SNTG1: variants seen among roughly 807,000 people sequenced by gnomAD.
SNTG1 encodes the protein gamma-1-syntrophin.
In SNTG1, 39 loss-of-function variants were observed where a neutral mutation model predicts 74.7. The observed-to-expected ratio is 0.52, with a 90% CI of 0.40 to 0.68. SNTG1 has a LOEUF of 0.68. SNTG1 is among the 30% of genes least tolerant of loss of function. SNTG1 has a pLI of 0.00. For synonymous variants in SNTG1, 254 were observed against 217.1 expected, an observed-to-expected ratio of 1.17 and a Z score of -1.49; for missense variants, 685 against 609.5, an observed-to-expected ratio of 1.12 and a Z score of -1.30.
intron 1 of SNTG1, among the ~76,000 whole-genome samples, chr8:50,159,349 A>G (rs1224434053): frequency 6.6e-6 from 1 of 152,140 alleles, no homozygotes; most frequent in Non-Finnish European, 1.5e-5. Flanking sequence ...TGGTTATACC[A>G]AATTTCTGCA....
At chr8:49,962,621 G>A (rs182270406) in intron 1 of SNTG1, among the ~76,000 whole-genome samples, 1 of 152,046 alleles carries the variant, frequency 6.6e-6, no homozygotes, top group African/African-American at 2.4e-5. Flanking sequence ...ATGAGATAAT[G>A]GCCTTGCTCT....
chr8:50,765,363 T>C (rs1426002506), intron 18 of SNTG1, among the ~76,000 whole-genome samples: 1 of 152,004 alleles, frequency 6.6e-6, no homozygotes, highest in Non-Finnish European at 1.5e-5. Context: ...CTGGTCTGCA[T>C]CCATTGGTAT....
At chr8:50,335,670 G>T (rs1198080162) in intron 2 of SNTG1, among the ~76,000 whole-genome samples, 1 of 151,672 alleles carries the variant, frequency 6.6e-6, no homozygotes, top group Non-Finnish European at 1.5e-5. Flanking sequence ...TACTTTTAAG[G>T]GCTCCTGTGA....
chr8:50,579,943 C>T (rs2094599510), intron 12 of SNTG1, among the ~76,000 whole-genome samples: 1 of 152,210 alleles, frequency 6.6e-6, no homozygotes, highest in Admixed American at 6.5e-5. Context: ...CCATTCTCCA[C>T]ACCCCATAAT....
At position 50,776,621 on chromosome 8, in the gene SNTG1, C is replaced by T. The variant is rs1008474475; in HGVS notation, c.1396-16050C>T. ...ATATTACAATTTTTGTTTCAATACC[C>T]AAGTATAAGTTAGAAAACTCAAAAG... On this transcript the variant is annotated intron_variant, in intron 18 of 18. Coordinates refer to ENST00000642720, the MANE Select transcript of SNTG1 (RefSeq NM_018967.5). Among the ~76,000 whole-genome samples the T allele has an allele frequency of 6.0e-5, 9 of 150,698 alleles. No homozygotes were observed. The South Asian group carries it at 1.9e-3, about 31-fold the overall frequency.
chr8:50,781,536 T>C (rs2095659425), intron 18 of SNTG1, among the ~76,000 whole-genome samples: 1 of 152,214 alleles, frequency 6.6e-6, no homozygotes, highest in African/African-American at 2.4e-5. Context: ...CTGCTGCCTT[T>C]TTTTGTTTTC....
At chr8:50,317,595 T>G (rs910930199) in intron 2 of SNTG1, among the ~76,000 whole-genome samples, 30 of 152,184 alleles carry the variant, frequency 2.0e-4, no homozygotes, top group Non-Finnish European at 5.9e-5. Flanking sequence ...CAAAGGAGTT[T>G]GAATTAGAGC....
chr8:50,344,798 A>G (rs544864490), intron 2 of SNTG1, among the ~76,000 whole-genome samples: 16 of 152,328 alleles, frequency 1.1e-4, no homozygotes, highest in African/African-American at 3.8e-4. Context: ...CATTTCACCA[A>G]AATTCATACA....
chr8:50,256,499 G>A (rs1358406810), intron 2 of SNTG1, among the ~76,000 whole-genome samples: 1 of 151,986 alleles, frequency 6.6e-6, no homozygotes, highest in African/African-American at 2.4e-5. Context: ...ATGAATGTGA[G>A]TATGGATAAA....
In SNTG1 at chr8:50,691,528, GA is replaced by G. The variant is rs371614231; in HGVS notation, c.1039-13069del. The stretch of plus-strand genomic sequence containing the variant: ...TATGAAGCTTAGTTTGGCTGGATAT[GA>G]AATTCTGGGTTGAAAATTCTTTTCT... On this transcript the variant is annotated intron_variant, in intron 15 of 18. Coordinates refer to ENST00000642720, the MANE Select transcript of SNTG1 (RefSeq NM_018967.5). Among the ~76,000 whole-genome samples, 74 of 152,300 alleles carry G rather than the reference GA, an allele frequency of 4.9e-4. No homozygotes were observed. The East Asian group carries it at 0.011, about 23-fold the overall frequency.
chr8:50,519,859 G>A (rs1207688862), intron 9 of SNTG1, among the ~76,000 whole-genome samples: 2 of 152,002 alleles, frequency 1.3e-5, no homozygotes, highest in Non-Finnish European at 2.9e-5. Context: ...AATCAATAGA[G>A]TGAAAATGGC....
At chr8:50,377,854 A>G (rs2092414933) in intron 2 of SNTG1, among the ~76,000 whole-genome samples, 1 of 152,360 alleles carries the variant, frequency 6.6e-6, no homozygotes, top group African/African-American at 2.4e-5. Flanking sequence ...TGAACAGAAA[A>G]TTTCAAAACT....
At chr8:50,069,992 G>C (rs183332292) in intron 1 of SNTG1, among the ~76,000 whole-genome samples, 38 of 152,132 alleles carry the variant, frequency 2.5e-4, no homozygotes, top group Admixed American at 2.0e-3. Context: ...TCAGTTTCTT[G>C]TCTTCTGACC....
intron 4 of SNTG1, among the ~76,000 whole-genome samples, chr8:50,433,610 C>T (rs140800663): frequency 9.2e-5 from 14 of 152,012 alleles, no homozygotes; most frequent in African/African-American, 2.9e-4. Context: ...CACTCTTTTA[C>T]ATTTTGATTT....
intron 1 of SNTG1, among the ~76,000 whole-genome samples, chr8:49,915,260 A>G (rs1805923670): frequency 6.6e-6 from 1 of 152,202 alleles, no homozygotes; most frequent in African/African-American, 2.4e-5. Context: ...TTTGTGGGAT[A>G]CTGGAAAGTC....
chr8:50,724,088 T>C (rs909298420), intron 17 of SNTG1, among the ~76,000 whole-genome samples: 1 of 152,214 alleles, frequency 6.6e-6, no homozygotes, highest in African/African-American at 2.4e-5. Flanking sequence ...AATAAATTCA[T>C]GTTTACTTTA....
intron 17 of SNTG1, among the ~76,000 whole-genome samples, chr8:50,731,719 C>T (rs1412988854): frequency 6.6e-6 from 1 of 152,090 alleles, no homozygotes; most frequent in Non-Finnish European, 1.5e-5. Flanking sequence ...GTGATGTCTG[C>T]TCATCCTTTT....
intron 2 of SNTG1, among the ~76,000 whole-genome samples, chr8:50,362,660 T>C (rs1167055731): frequency 6.6e-6 from 1 of 152,172 alleles, no homozygotes; most frequent in Non-Finnish European, 1.5e-5. Flanking sequence ...GTATTCTCTT[T>C]CCCTGGTTAT....
intron 2 of SNTG1, among the ~76,000 whole-genome samples, chr8:50,251,896 G>A (rs1350625399): frequency 6.6e-6 from 1 of 152,052 alleles, no homozygotes; most frequent in African/African-American, 2.4e-5. Flanking sequence ...TCCATCTACA[G>A]CTGCAGAATT....
Sources: gnomAD v4.1 joint callset for allele counts (sites outside exome capture counted in the v4.1 genomes callset) on GRCh38, gnomAD v4.1.1 for gene constraint, MANE v1.5 for transcripts, NCBI Gene and HGNC (gene_info 2026-07-23, HGNC 2026-07-21) for gene names.